MYO5B: variants seen among roughly 807,000 people sequenced by gnomAD.
MYO5B encodes unconventional myosin-Vb.
MYO5B carries 143 observed loss-of-function variants against 229.3 expected under a neutral mutation model. That is an observed-to-expected ratio of 0.62 (90% confidence interval 0.54 to 0.72). The LOEUF (loss-of-function observed/expected upper bound fraction) is 0.72, where lower values mean the gene tolerates loss of function less well. MYO5B is among the 30% of genes least tolerant of loss of function. The probability of loss-of-function intolerance (pLI) is 0.00; values close to 1 mark genes in which losing one functional copy is unlikely to be tolerated. For missense variants in MYO5B, 2,321 were observed against 2,331.0 expected, an observed-to-expected ratio of 1.00 and a Z score of 0.09; for synonymous variants, 918 against 885.2, an observed-to-expected ratio of 1.04 and a Z score of -0.66.
chr18:50,188,785 T>TA lies in MYO5B; in HGVS notation c.27+5981dup, dbSNP rs4042094. On this transcript the variant is annotated intron_variant, in intron 1 of 39. Transcript: ENST00000285039. ...CTGGTGACACAGTGAGACTCTGTCA[T>TA]AAAAAAAAAAAAAAAAAAAAAAAAA... is the stretch of plus-strand genomic sequence containing the variant. Among the ~76,000 whole-genome samples the TA allele has an allele frequency of 7.2e-3, 753 of 104,932 alleles. 41 individuals are homozygous for TA. The highest frequency in any genetic ancestry group is 0.028 in the East Asian group (101 of 3,548). The allele number at this position is 104,932 out of a possible 152,430, so 68.8% of individuals were successfully genotyped here. A position where few individuals can be genotyped will look rare whatever the true frequency, so the allele number is the denominator to read the frequency against.
intron 1 of MYO5B, among the ~76,000 whole-genome samples, chr18:50,147,741 C>T (rs2144297315): frequency 6.6e-6 from 1 of 152,286 alleles, no homozygotes. Flanking sequence ...TATAAAGGCC[C>T]TACTCTATCC....
chr18:50,188,785 TAAAAAAAA>T lies in MYO5B; in HGVS notation c.27+5974_27+5981del, dbSNP rs4042094. ...CTGGTGACACAGTGAGACTCTGTCA[TAAAAAAAA>T]AAAAAAAAAAAAAAAAAAAAAAAAC... On this transcript the variant is annotated intron_variant, in intron 1 of 39. Transcript: ENST00000285039. Among the ~76,000 whole-genome samples, 12 of 105,146 alleles carry T rather than the reference TAAAAAAAA, an allele frequency of 1.1e-4. No homozygotes were observed. The East Asian group carries it at 1.4e-3, about 12-fold the overall frequency. The allele number at this position is 105,146 out of a possible 152,430, so 69.0% of individuals were successfully genotyped here.
intron 26 of MYO5B, among the ~76,000 whole-genome samples, chr18:49,874,874 G>T (rs1482643610): frequency 6.6e-6 from 1 of 152,082 alleles, no homozygotes; most frequent in African/African-American, 2.4e-5. Context: ...ATAGTCAATG[G>T]ATTCTCTACT....
chr18:49,879,134 C>A, intron 23 of MYO5B, 44 bp from the exon 24 acceptor site: 1 of 1,613,380 alleles, frequency 6.2e-7, no homozygotes, highest in Non-Finnish European at 8.5e-7. Flanking sequence ...GGATGGATTC[C>A]CTCACATGTA....
At chr18:49,936,030 C>T (rs766113754) in intron 16 of MYO5B, among the ~76,000 whole-genome samples, 9 of 152,230 alleles carry the variant, frequency 5.9e-5, no homozygotes, top group Non-Finnish European at 1.2e-4. Context: ...CACCACTATA[C>T]GGGGAACGGC....
At chr18:49,937,555 G>A (rs1042289514) in intron 14 of MYO5B, among the ~76,000 whole-genome samples, 158 bp from the exon 15 acceptor site, 5 of 152,190 alleles carry the variant, frequency 3.3e-5, no homozygotes, top group Non-Finnish European at 5.9e-5. Flanking sequence ...TCCCAAAAGC[G>A]CCACAAGGTA....
intron 20 of MYO5B, among the ~76,000 whole-genome samples, chr18:49,904,378 G>C (rs2024875820): frequency 6.6e-6 from 1 of 152,124 alleles, no homozygotes; most frequent in Non-Finnish European, 1.5e-5. Context: ...TCCAGAAGCA[G>C]ATGTTCAATT....
chr18:49,984,812 G>C lies in MYO5B; in HGVS notation c.852C>G (p.Asp284Glu), dbSNP rs781179271. ...FKELALTSAE[D>E]FFYTSQGGDT... ...CTCCTCCCTGTGATGTATAGAAAAA[G>C]TCCTCTGCACTTGCTGTGGGAGGCG... Residue 284 changes from aspartate (D) to glutamate (E), a missense_variant, in exon 8 of 40, where the codon GAC (aspartate) becomes GAG (glutamate). Coordinates refer to ENST00000285039, the MANE Select transcript of MYO5B (RefSeq NM_001080467.3). 1 of 1,611,418 alleles carries C rather than the reference G, an allele frequency of 6.2e-7. No homozygotes were observed. Among genetic ancestry groups the C allele is most frequent in the Non-Finnish European group, 8.5e-7 (1 of 1,177,500 alleles).
chr18:49,841,278 C>T (rs2024053936), intron 35 of MYO5B, 87 bp downstream of exon 35: 3 of 1,265,380 alleles, frequency 2.4e-6, no homozygotes, highest in Middle Eastern at 2.5e-4. Context: ...CCAAAGACCC[C>T]ACTGACCTCT....
At chr18:49,880,076 G>C (rs1255345623) in intron 23 of MYO5B, among the ~76,000 whole-genome samples, 1 of 152,146 alleles carries the variant, frequency 6.6e-6, no homozygotes, top group Non-Finnish European at 1.5e-5. Context: ...CAAACTGAAA[G>C]CCTATTCAAG....
chr18:49,937,428 G>A (rs2025263992), intron 14 of MYO5B, 31 bp from the exon 15 acceptor site: 2 of 1,611,082 alleles, frequency 1.2e-6, no homozygotes, highest in Non-Finnish European at 1.7e-6. Flanking sequence ...AATGATGAAA[G>A]TGACATCTCC....
chr18:49,897,096 T>A (rs779314900), intron 21 of MYO5B, among the ~76,000 whole-genome samples: 2 of 152,188 alleles, frequency 1.3e-5, no homozygotes, highest in Non-Finnish European at 2.9e-5. Context: ...GGGGAGCTCC[T>A]ATGTCTTTTC....
chr18:50,037,059 G>A lies in MYO5B; in HGVS notation c.311-65C>T, dbSNP rs58132038. ...AGACACCTGGCATTATTAGCTCAAG[G>A]CACCCATCCATTCATACACATGCCA... is the stretch of plus-strand genomic sequence containing the variant. On this transcript the variant is annotated intron_variant, in intron 3 of 39. Coordinates refer to ENST00000285039, the MANE Select transcript of MYO5B (RefSeq NM_001080467.3). 0.17 allele frequency: 263,277 copies of A among 1,590,142 alleles called. 22,633 individuals carry two copies. The highest frequency in any genetic ancestry group is 0.23 in the East Asian group (10,027 of 44,512).
intron 1 of MYO5B, among the ~76,000 whole-genome samples, chr18:50,085,765 G>A (rs993224480): frequency 6.6e-6 from 1 of 152,114 alleles, no homozygotes; most frequent in Non-Finnish European, 1.5e-5. Flanking sequence ...GTCCTTTGTA[G>A]GGACATGGAT....
At chr18:50,048,510 A>G (rs2030299542) in intron 2 of MYO5B, among the ~76,000 whole-genome samples, 1 of 152,184 alleles carries the variant, frequency 6.6e-6, no homozygotes, top group African/African-American at 2.4e-5. Context: ...GAGGAAGAGA[A>G]GGGCACAGCA....
intron 1 of MYO5B, among the ~76,000 whole-genome samples, chr18:50,147,450 C>T (rs1186819852): frequency 6.6e-6 from 1 of 152,192 alleles, no homozygotes; most frequent in African/African-American, 2.4e-5. Flanking sequence ...AGTCCAGCCG[C>T]CACAGGGTAC....
chr18:49,962,574 C>G (rs953682712), intron 11 of MYO5B, among the ~76,000 whole-genome samples, 168 bp from the exon 12 acceptor site: 1 of 152,144 alleles, frequency 6.6e-6, no homozygotes, highest in African/African-American at 2.4e-5. Context: ...CACAGTTAGG[C>G]GATTCCTCAT....
intron 4 of MYO5B, among the ~76,000 whole-genome samples, chr18:50,034,465 C>A (rs776002234): frequency 2.0e-5 from 3 of 152,204 alleles, no homozygotes; most frequent in Non-Finnish European, 4.4e-5. Context: ...AGCTCTCAGT[C>A]GTGCGTGGTG....
At chr18:50,081,589 G>A (rs1330110310) in intron 1 of MYO5B, among the ~76,000 whole-genome samples, 1 of 152,150 alleles carries the variant, frequency 6.6e-6, no homozygotes, top group African/African-American at 2.4e-5. Flanking sequence ...CCATACTTTG[G>A]GGCTGATTTC....
Sources: allele counts gnomAD v4.1 joint callset (sites outside exome capture counted in the v4.1 genomes callset), GRCh38; gene constraint gnomAD v4.1.1; transcripts MANE v1.5; gene names NCBI Gene and HGNC (gene_info 2026-07-23, HGNC 2026-07-21).